Variants in COG5 observed in about 807,000 individuals in gnomAD.
The protein encoded by COG5 is conserved oligomeric Golgi complex subunit 5.
In COG5, 86 loss-of-function variants were observed where a neutral mutation model predicts 110.4. The ratio of observed to expected loss-of-function variants is 0.78; its 90% CI spans 0.65 to 0.93. The LOEUF (loss-of-function observed/expected upper bound fraction) is 0.93. Among genes scored for constraint, COG5 ranks in the 40% least tolerant of loss-of-function variants. The pLI is 0.00. For missense variants in COG5, 1,077 were observed against 987.0 expected (o/e 1.09, Z -1.22); for synonymous variants, 360 against 334.6 (o/e 1.08, Z -0.83).
chr7:107,446,941 T>C (rs909027112), intron 6 of COG5, among the ~76,000 whole-genome samples: 4 of 152,198 alleles, frequency 2.6e-5, no homozygotes, highest in African/African-American at 9.7e-5. Context: ...GTTCTGTAGG[T>C]TAGAAGTCCA....
intron 14 of COG5, 94 bp downstream of exon 14, chr7:107,281,206 A>T: frequency 1.2e-6 from 1 of 845,288 alleles, no homozygotes; most frequent in Non-Finnish European, 1.9e-6. Context: ...AAGTAAGTAA[A>T]TAGTCAATTC....
At chr7:107,549,408 T>C (rs1397850945) in intron 3 of COG5, 2 of 152,054 alleles carry the variant, frequency 1.3e-5, no homozygotes, top group African/African-American at 4.9e-5. Context: ...CTTTCTTTTT[T>C]TGAGACAGAG....
intron 10 of COG5, among the ~76,000 whole-genome samples, chr7:107,359,355 T>A (rs749366928): frequency 7.9e-5 from 12 of 152,280 alleles, no homozygotes; most frequent in Non-Finnish European, 1.3e-4. Flanking sequence ...ACTCCAGACT[T>A]TGGACACCAA....
chr7:107,344,484 A>G (rs1268697909), intron 10 of COG5, among the ~76,000 whole-genome samples: 1 of 152,040 alleles, frequency 6.6e-6, no homozygotes, highest in Non-Finnish European at 1.5e-5. Flanking sequence ...TATTCAGACC[A>G]CTCAAACTTT....
At chr7:107,463,349 C>A (rs1191041662) in intron 6 of COG5, among the ~76,000 whole-genome samples, 2 of 152,206 alleles carry the variant, frequency 1.3e-5, no homozygotes, top group Non-Finnish European at 2.9e-5. Flanking sequence ...TGGTTGAGTT[C>A]TCCAGCAGTC....
chr7:107,549,814 C>A (rs187991093), intron 3 of COG5, among the ~76,000 whole-genome samples: 220 of 152,220 alleles, frequency 1.4e-3, no homozygotes, highest in Admixed American at 3.5e-3. Context: ...AAGACGTGAT[C>A]CTCAGCCATC....
intron 6 of COG5, among the ~76,000 whole-genome samples, chr7:107,455,631 G>C (rs1013204353): frequency 3.3e-5 from 5 of 152,098 alleles, no homozygotes; most frequent in Admixed American, 2.6e-4. Flanking sequence ...CTAACTGATG[G>C]TATATGTAAT....
chr7:107,322,983 C>CA (rs1396906259), intron 11 of COG5, among the ~76,000 whole-genome samples: 3 of 151,892 alleles, frequency 2.0e-5, no homozygotes, highest in African/African-American at 7.3e-5. Flanking sequence ...TTGCCAGGAC[C>CA]CAGGGAGTGA....
intron 19 of COG5, 134 bp from the exon 20 acceptor site, chr7:107,211,359 C>T: frequency 1.0e-6 from 1 of 971,452 alleles, no homozygotes; most frequent in South Asian, 1.3e-5. Context: ...TGCTTAACCA[C>T]TCTATTCAGC....
chr7:107,377,244 T>G (rs1272384660), intron 7 of COG5, among the ~76,000 whole-genome samples: 7 of 152,174 alleles, frequency 4.6e-5, no homozygotes, highest in African/African-American at 1.7e-4. Context: ...AAATTCAATT[T>G]TGTTAATAGA....
intron 1 of COG5, among the ~76,000 whole-genome samples, chr7:107,559,757 G>C (rs749313680): frequency 1.3e-5 from 2 of 152,182 alleles, no homozygotes; most frequent in Non-Finnish European, 2.9e-5. Context: ...AGTCCTGTCA[G>C]CCAGACAAAT....
At chr7:107,257,924 TC>T (rs1256494573) in intron 15 of COG5, among the ~76,000 whole-genome samples, 1 of 152,198 alleles carries the variant, frequency 6.6e-6, no homozygotes, top group Non-Finnish European at 1.5e-5. Context: ...TCTTATTCTG[TC>T]ATTAGCTTTG....
At chr7:107,294,267 G>A (rs1003131531) in intron 12 of COG5, among the ~76,000 whole-genome samples, 4 of 151,900 alleles carry the variant, frequency 2.6e-5, no homozygotes, top group South Asian at 2.1e-4. Context: ...TTAACTAGTC[G>A]TATCCTTGAT....
chr7:107,336,840 T>C (rs1013247760), intron 10 of COG5, among the ~76,000 whole-genome samples: 2 of 152,156 alleles, frequency 1.3e-5, no homozygotes, highest in Non-Finnish European at 2.9e-5. Flanking sequence ...CCTGTGGGCC[T>C]GGGGAATGAC....
intron 11 of COG5, among the ~76,000 whole-genome samples, chr7:107,300,117 G>GA (rs1315026259): frequency 2.6e-5 from 4 of 151,686 alleles, no homozygotes; most frequent in Non-Finnish European, 2.9e-5. Context: ...AAAAGCATTT[G>GA]AAAAAAATCT....
At chr7:107,335,629 C>A (rs1029817478) in intron 10 of COG5, among the ~76,000 whole-genome samples, 2 of 151,928 alleles carry the variant, frequency 1.3e-5, no homozygotes, top group Admixed American at 6.6e-5. Context: ...GTAATAACAG[C>A]GAATGTAAAT....
At chr7:107,233,993 T>C (rs546754875) in intron 18 of COG5, among the ~76,000 whole-genome samples, 3 of 151,374 alleles carry the variant, frequency 2.0e-5, no homozygotes, top group African/African-American at 7.4e-5. Flanking sequence ...GACATAACAG[T>C]AGAACAATAT....
At chr7:107,463,569 G>A (rs1796128807) in intron 6 of COG5, among the ~76,000 whole-genome samples, 1 of 152,104 alleles carries the variant, frequency 6.6e-6, no homozygotes, top group Admixed American at 6.5e-5. Flanking sequence ...TTTAGCAGAG[G>A]AACCCAAAAC....
At chr7:107,532,557 T>C (rs1801290457) in intron 5 of COG5, among the ~76,000 whole-genome samples, 1 of 152,128 alleles carries the variant, frequency 6.6e-6, no homozygotes, top group Non-Finnish European at 1.5e-5. Flanking sequence ...AAATATAAGG[T>C]ATATACTATT....
Sources: gnomAD v4.1 joint callset for allele counts (sites outside exome capture counted in the v4.1 genomes callset) on GRCh38, gnomAD v4.1.1 for gene constraint, MANE v1.5 for transcripts, NCBI Gene and HGNC (gene_info 2026-07-23, HGNC 2026-07-21) for gene names.